Variants in MYOT observed in about 807,000 individuals in gnomAD.
MYOT encodes myotilin.
A neutral mutation model predicts 58.0 loss-of-function variants in MYOT; 36 were observed. The observed-to-expected ratio is 0.62, with a 90% CI of 0.48 to 0.82. The LOEUF (loss-of-function observed/expected upper bound fraction) is 0.82. Among genes scored for constraint, MYOT ranks in the 40% least tolerant of loss-of-function variants. The pLI, the probability that MYOT is intolerant of heterozygous loss-of-function variation, is 0.00. For missense variants in MYOT, 505 were observed against 592.1 expected (o/e 0.85, Z 1.53); for synonymous variants, 218 against 204.6 (o/e 1.07, Z -0.56).
In MYOT at chr5:137,883,751, T is replaced by A. The variant is rs535473539; in HGVS notation, c.1024+160T>A. 1.2e-3 allele frequency: 671 copies of A among 565,882 alleles called. 10 individuals are homozygous for A. Among genetic ancestry groups the A allele is most frequent in the South Asian group, 7.0e-3 (346 of 49,234 alleles). 35.1% of individuals were successfully genotyped at this position (565,882 alleles called of 1,614,324 possible). ...TTTATCTACAAACCACAGGAAAAAA[T>A]ATATATATATACACACACATACATA... On this transcript the variant is annotated intron_variant, in intron 7 of 9. Coordinates refer to ENST00000239926, the MANE Select transcript of MYOT (RefSeq NM_006790.3).
At chr5:137,875,499 T>G (rs1391096975) in intron 2 of MYOT, among the ~76,000 whole-genome samples, 1 of 152,138 alleles carries the variant, frequency 6.6e-6, no homozygotes, top group African/African-American at 2.4e-5. Flanking sequence ...AAAAAAAATT[T>G]TATTAAAGAA....
intron 1 of MYOT, among the ~76,000 whole-genome samples, 153 bp from the exon 2 acceptor site, chr5:137,870,288 G>GACACACACACAC (rs35301804): frequency 7.9e-4 from 100 of 127,080 alleles, no homozygotes; most frequent in Non-Finnish European, 1.1e-3. Context: ...GATTAAGCAA[G>GACACACACACAC]ACACACACAC....
intron 8 of MYOT, 75 bp downstream of exon 8, chr5:137,886,288 A>G: frequency 9.5e-7 from 1 of 1,055,732 alleles, no homozygotes; most frequent in Non-Finnish European, 1.4e-6. Flanking sequence ...TGCATTATAA[A>G]TGGCATGCAT....
At chr5:137,886,401 C>T (rs917370325) in intron 8 of MYOT, among the ~76,000 whole-genome samples, 188 bp downstream of exon 8, 6 of 151,986 alleles carry the variant, frequency 3.9e-5, no homozygotes, top group African/African-American at 1.4e-4. Flanking sequence ...TTCCACTAAT[C>T]AGAAATGTAA....
intron 1 of MYOT, among the ~76,000 whole-genome samples, 179 bp downstream of exon 1, chr5:137,868,132 G>A (rs1331572814): frequency 1.3e-5 from 2 of 152,120 alleles, no homozygotes; most frequent in African/African-American, 4.8e-5. Context: ...AGACTGGAAG[G>A]CATTATACAA....
At chr5:137,875,397 A>G (rs1755177787) in intron 2 of MYOT, among the ~76,000 whole-genome samples, 1 of 152,154 alleles carries the variant, frequency 6.6e-6, no homozygotes, top group African/African-American at 2.4e-5. Flanking sequence ...TACTATGTTC[A>G]CCTCTTGGGT....
intron 1 of MYOT, 113 bp from the exon 2 acceptor site, chr5:137,870,326 CAA>C (rs1239314261): frequency 2.4e-6 from 1 of 408,368 alleles, no homozygotes; most frequent in Non-Finnish European, 4.6e-6. Flanking sequence ...CACACACACA[CAA>C]AAGGAAGGAA....
At chr5:137,876,670 G>A (rs1160177989) in intron 3 of MYOT, among the ~76,000 whole-genome samples, 7 of 152,118 alleles carry the variant, frequency 4.6e-5, no homozygotes, top group Non-Finnish European at 5.9e-5. Flanking sequence ...CAGGTGTGGT[G>A]GCATGCACCT....
Position 137,887,509 on chromosome 5 carries a change from ATATATT to A in MYOT, c.*129_*134del. The A allele has an allele frequency of 1.5e-6, 1 of 683,886 alleles. No individual in the cohort carries two copies. The highest frequency in any genetic ancestry group is 2.2e-6 in the Non-Finnish European group (1 of 451,208). The allele number at this position is 683,886 out of a possible 1,614,324, so 42.4% of individuals were successfully genotyped here. A position where few individuals can be genotyped will look rare whatever the true frequency, so the allele number is the denominator to read the frequency against. ...GTTTTAATTAGGTAATATAGTTAAT[ATATATT>A]TATAATATTATTTATCCTTTGACTC... On this transcript the variant is annotated 3_prime_UTR_variant, in exon 10 of 10. Coordinates refer to ENST00000239926, the MANE Select transcript of MYOT (RefSeq NM_006790.3).
chr5:137,878,748 G>A (rs113281365), intron 4 of MYOT, among the ~76,000 whole-genome samples: 23,185 of 151,982 alleles, frequency 0.15, 1,928 homozygotes, highest in Non-Finnish European at 0.17. Context: ...GCTTGAACCC[G>A]TGAGATGGAG....
At chr5:137,868,992 T>G (rs1382020660) in intron 1 of MYOT, among the ~76,000 whole-genome samples, 1 of 145,282 alleles carries the variant, frequency 6.9e-6, no homozygotes, top group Non-Finnish European at 1.5e-5. Flanking sequence ...CTCTTGGCTG[T>G]TTAGTTGCAT....
chr5:137,881,899 G>A (rs1755444001), intron 5 of MYOT, 74 bp from the exon 6 acceptor site: 1 of 1,559,242 alleles, frequency 6.4e-7, no homozygotes, highest in Non-Finnish European at 8.8e-7. Flanking sequence ...AAAATTGATG[G>A]CTAAACTATA....
In MYOT at chr5:137,870,641, A is replaced by G. The variant is rs1297529597; in HGVS notation, c.-11A>G. ...AATAATTTGCCTTCATCTTCCATAT[A>G]CCAACTAAGCATGTTTAACTACGAA... is the stretch of plus-strand genomic sequence containing the variant. On this transcript the variant is annotated 5_prime_UTR_variant, in exon 2 of 10. It adds an upstream start codon to the 5' untranslated region. Coordinates refer to ENST00000239926, the MANE Select transcript of MYOT (RefSeq NM_006790.3). 1 of 1,610,268 alleles carries G rather than the reference A, an allele frequency of 6.2e-7. No homozygotes were observed. The highest frequency in any genetic ancestry group is 1.7e-5 in the Admixed American group (1 of 60,018).
At position 137,868,692 on chromosome 5, in the gene MYOT, C is replaced by T. The variant is rs150468047; in HGVS notation, c.-212+739C>T. On this transcript the variant is annotated intron_variant, in intron 1 of 9. Coordinates refer to ENST00000239926, the MANE Select transcript of MYOT (RefSeq NM_006790.3). Reference sequence around the variant, plus strand: ...TCATAAGCGGTTTATTCCTTGCTATCTGAAATGAGTCTCAATAATGTACCT... The same window carrying T: ...TCATAAGCGGTTTATTCCTTGCTATTTGAAATGAGTCTCAATAATGTACCT... Among the ~76,000 whole-genome samples, 919 of 152,240 alleles carry T rather than the reference C, an allele frequency of 6.0e-3. 5 individuals carry two copies. The highest frequency in any genetic ancestry group is 7.9e-3 in the Non-Finnish European group (534 of 67,988).
chr5:137,872,467 G>A (rs1485417071), intron 2 of MYOT, among the ~76,000 whole-genome samples: 1 of 152,166 alleles, frequency 6.6e-6, no homozygotes, highest in East Asian at 1.9e-4. Flanking sequence ...TAAGAAAAGA[G>A]AAAGGCAAAA....
chr5:137,873,748 C>A (rs1305728960), intron 2 of MYOT, among the ~76,000 whole-genome samples: 6 of 152,058 alleles, frequency 3.9e-5, no homozygotes, highest in Non-Finnish European at 1.5e-5. Flanking sequence ...ATCTTAAGAC[C>A]TGAAATGTCA....
intron 4 of MYOT, among the ~76,000 whole-genome samples, chr5:137,879,086 C>T (rs888218935): frequency 3.9e-5 from 6 of 152,072 alleles, no homozygotes; most frequent in East Asian, 1.9e-4. Flanking sequence ...TAGGTGCGCA[C>T]ACCGTGCTGG....
intron 4 of MYOT, 52 bp from the exon 5 acceptor site, chr5:137,880,764 C>T: frequency 2.1e-6 from 3 of 1,411,590 alleles, no homozygotes; most frequent in Non-Finnish European, 3.0e-6. Flanking sequence ...AATTCTGCTT[C>T]ATTCAAGCTA....
chr5:137,885,352 G>A (rs1056790526), intron 7 of MYOT, among the ~76,000 whole-genome samples: 1 of 152,046 alleles, frequency 6.6e-6, no homozygotes, highest in Non-Finnish European at 1.5e-5. Context: ...GAGACTCAGA[G>A]AAACTAAACA....
Sources: gnomAD v4.1 joint callset for allele counts (sites outside exome capture counted in the v4.1 genomes callset) on GRCh38, gnomAD v4.1.1 for gene constraint, MANE v1.5 for transcripts, NCBI Gene and HGNC (gene_info 2026-07-23, HGNC 2026-07-21) for gene names.